The following USF1 variants were observed in gnomAD, a reference collection of about 807,000 sequenced individuals.
The protein encoded by USF1 is upstream transcription factor 1.
Under a neutral mutation model 46.3 loss-of-function variants are expected in USF1, and 22 were observed. That is an observed-to-expected ratio of 0.47 (90% CI 0.34 to 0.68). The LOEUF (loss-of-function observed/expected upper bound fraction) is 0.68. Among genes scored for constraint, USF1 ranks in the 30% least tolerant of loss-of-function variants. The pLI is 0.01. For missense variants in USF1, 287 were observed against 399.3 expected, an observed-to-expected ratio of 0.72 and a Z score of 2.40; for synonymous variants, 150 against 147.0, an observed-to-expected ratio of 1.02 and a Z score of -0.15.
intron 1 of USF1, among the ~76,000 whole-genome samples, chr1:161,045,617 C>T (rs17175442): frequency 6.6e-6 from 1 of 152,190 alleles, no homozygotes; most frequent in African/African-American, 2.4e-5. Flanking sequence ...CGCCCGGTGC[C>T]GGCGGCTGCG....
intron 1 of USF1, among the ~76,000 whole-genome samples, chr1:161,044,161 T>G (rs1279961521): frequency 1.3e-5 from 2 of 152,058 alleles, no homozygotes; most frequent in Non-Finnish European, 2.9e-5. Flanking sequence ...CAGGCTGGTC[T>G]GGAACTCCTG....
chr1:161,045,534 G>T (rs1219847616), intron 1 of USF1, among the ~76,000 whole-genome samples: 1 of 152,198 alleles, frequency 6.6e-6, no homozygotes, highest in Non-Finnish European at 1.5e-5. Context: ...CCGCAGCCCC[G>T]CAGTCTTAGC....
In USF1 at chr1:161,040,961, T is replaced by C; in HGVS notation, c.561-89A>G. On this transcript the variant is annotated intron_variant, in intron 7 of 10. Transcript: ENST00000368021. The surrounding 1 kb of genome is among the most constrained non-coding windows in gnomAD (Gnocchi z 4.0). ...AAGGAATTATACAAGATTTAGCAGG[T>C]ATTAGGACCACTTATGGTAGCTAGG... The C allele has an allele frequency of 6.5e-7, 1 of 1,547,714 alleles. No homozygotes were observed. The highest frequency in any genetic ancestry group is 8.8e-7 in the Non-Finnish European group (1 of 1,131,268).
intron 7 of USF1, among the ~76,000 whole-genome samples, chr1:161,041,088 C>T (rs567120375): frequency 1.7e-3 from 265 of 151,784 alleles, no homozygotes; most frequent in Admixed American, 3.5e-3. Context: ...ATGGTGAAAC[C>T]CTGTCTCTAC....
At chr1:161,043,414 G>C in intron 1 of USF1, 54 bp from the exon 2 acceptor site, 2 of 1,393,348 alleles carry the variant, frequency 1.4e-6, no homozygotes, top group Non-Finnish European at 9.9e-7. Flanking sequence ...CAGTATCTCT[G>C]GTTCTAGAAC....
chr1:161,041,785 T>A lies in USF1; in HGVS notation c.338A>T (p.Glu113Val). The A allele has an allele frequency of 6.2e-7, 1 of 1,614,056 alleles. No homozygotes were observed. The highest frequency in any genetic ancestry group is 1.1e-5 in the South Asian group (1 of 91,082). Residue 113 changes from glutamate (E) to valine (V), a missense_variant, in exon 6 of 11, where the codon GAG becomes GTG. Transcript: ENST00000368021. ...DAVDTEGTAA[E>V]THYTYFPSTA... ...GCTGGGGAAGTAAGTATAGTGCGTC[T>A]CAGCAGCTGTCCCCTCCGTGTCAAC...
In USF1 at chr1:161,042,226, G is replaced by A; in HGVS notation, c.175-9C>T. ...ATCACCCTGTACATCACCTAGAAGT[G>A]TAGAGGAAGGCAGAGGGAGTGAAGA... On this transcript the variant is annotated splice_polypyrimidine_tract_variant and intron_variant, in intron 4 of 10. Transcript: ENST00000368021. 5.0e-6 allele frequency: 8 copies of A among 1,607,228 alleles called. No individual in the cohort carries two copies. Among genetic ancestry groups the A allele is most frequent in the Middle Eastern group, 1.7e-4 (1 of 6,026 alleles).
At chr1:161,042,527 C>G (rs985059911) in intron 4 of USF1, 28 bp downstream of exon 4, 1 of 1,612,044 alleles carries the variant, frequency 6.2e-7, no homozygotes, top group Admixed American at 1.7e-5. Flanking sequence ...CCAGATAACA[C>G]CTGCAGCCAC....
intron 1 of USF1, among the ~76,000 whole-genome samples, chr1:161,044,436 A>C (rs974601925): frequency 6.6e-6 from 1 of 152,322 alleles, no homozygotes; most frequent in South Asian, 2.1e-4. Flanking sequence ...GGAAGAGGAA[A>C]TCTGAAGCCC....
At position 161,044,688 on chromosome 1, in the gene USF1, TAA is replaced by T. The variant is rs34352397; in HGVS notation, c.-86+1168_-86+1169del. ...TCAACTAAGCCTGAGCAAGAAGGGG[TAA>T]AAAAAAAAAAAACAGGGTTCTGAAG... On this transcript the variant is annotated intron_variant, in intron 1 of 10. Transcript: ENST00000368021. Among the ~76,000 whole-genome samples, 429 of 141,966 alleles carry T rather than the reference TAA, an allele frequency of 3.0e-3. 1 individual carries two copies. The highest frequency in any genetic ancestry group is 9.1e-3 in the African/African-American group (340 of 37,300). 93.1% of individuals were successfully genotyped at this position (141,966 alleles called of 152,430 possible).
chr1:161,039,733 G>A lies in USF1; in HGVS notation c.*187C>T, dbSNP rs3737787. 154,380 of 626,724 alleles carry A rather than the reference G, an allele frequency of 0.25. 20,903 individuals carry two copies. The highest frequency in any genetic ancestry group is 0.28 in the Non-Finnish European group (100,477 of 360,872). The allele number at this position is 626,724 out of a possible 1,614,324, so 38.8% of individuals were successfully genotyped here. ...GGGGTGGGCAAGGCTGTCAGTGCAC[G>A]TCCACATTGTGTGTTTCACACCACT... On this transcript the variant is annotated 3_prime_UTR_variant, in exon 11 of 11. Coordinates refer to ENST00000368021, the MANE Select transcript of USF1 (RefSeq NM_007122.5).
At chr1:161,044,462 A>C (rs1650713179) in intron 1 of USF1, among the ~76,000 whole-genome samples, 1 of 152,234 alleles carries the variant, frequency 6.6e-6, no homozygotes, top group Non-Finnish European at 1.5e-5. Flanking sequence ...CACTGGAAGA[A>C]TATCCCTGAC....
intron 6 of USF1, 82 bp from the exon 7 acceptor site, chr1:161,041,493 T>G: frequency 6.6e-7 from 1 of 1,515,954 alleles, no homozygotes; most frequent in Non-Finnish European, 9.0e-7. Flanking sequence ...GGTCCCCTCC[T>G]CTAAAAAGAA....
Position 161,040,244 on chromosome 1 carries a change from T to G in USF1, c.801A>C (p.Gly267=). The G allele has an allele frequency of 6.2e-7, 1 of 1,614,192 alleles. No individual in the cohort carries two copies. The highest frequency in any genetic ancestry group is 1.1e-5 in the South Asian group (1 of 91,080). ...SNHRLSEELQ[G]LDQLQLDNDV... ...CATTGTCCAGCTGCAGTTGGTCAAG[T>G]CCCTGCAGTTCTTCAGACAAGCGGT... is the stretch of plus-strand genomic sequence containing the variant. The change falls in exon 10 of 11, where the codon GGA becomes GGC. Residue 267 remains glycine, a synonymous_variant. Transcript: ENST00000368021. This position sits in a 1 kb window ranked among gnomAD's most constrained non-coding sequence, Gnocchi z 4.0.
At chr1:161,042,030 T>C (rs892407947) in intron 5 of USF1, 86 bp downstream of exon 5, 104 of 1,455,936 alleles carry the variant, frequency 7.1e-5, no homozygotes, top group Admixed American at 5.6e-4. Context: ...TGCCTCACTG[T>C]TCCTAGCTTC....
intron 6 of USF1, 27 bp downstream of exon 6, chr1:161,041,624 A>G (rs1462029149): frequency 6.3e-7 from 1 of 1,591,794 alleles, no homozygotes; most frequent in African/African-American, 1.3e-5. Context: ...TAGCCCTTTC[A>G]GCCAGCATCC....
Position 161,041,346 on chromosome 1 carries a change from G to A in USF1, c.538C>T (p.Pro180Ser). ...LQGGSQRSIA[P>S]RTHPYSPKSE... ...CACGGGGAATAAGGGTGAGTCCTAG[G>A]GGCAATTGAGCGCTGGCTTCCTCCC... The change falls in exon 7 of 11, where the codon CCT (proline) becomes TCT (serine). Residue 180 changes from proline to serine, a missense_variant. Pro to Ser is a moderately conservative substitution (Grantham distance 74, BLOSUM62 -1). Transcript: ENST00000368021. The A allele has an allele frequency of 6.2e-7, 1 of 1,613,586 alleles. No homozygotes were observed. The highest frequency in any genetic ancestry group is 8.5e-7 in the Non-Finnish European group (1 of 1,179,930).
At chr1:161,044,816 A>G (rs1269853686) in intron 1 of USF1, 1 of 152,568 alleles carries the variant, frequency 6.6e-6, no homozygotes, top group Non-Finnish European at 1.5e-5. Context: ...ACATGCCTCC[A>G]GAAAGAAACA....
At chr1:161,042,966 C>T (rs1419343177) in intron 2 of USF1, 84 bp from the exon 3 acceptor site, 1 of 1,580,084 alleles carries the variant, frequency 6.3e-7, no homozygotes, top group Non-Finnish European at 8.7e-7. Flanking sequence ...TGGCTGCAAA[C>T]TCATTGGCAT....
Sources: gnomAD v4.1 joint callset for allele counts (sites outside exome capture counted in the v4.1 genomes callset) on GRCh38, gnomAD v4.1.1 for gene constraint, Gnocchi (gnomAD v3.1) non-coding constraint, MANE v1.5 for transcripts, NCBI Gene and HGNC (gene_info 2026-07-23, HGNC 2026-07-21) for gene names.